The following ZNF883 variants were observed in gnomAD, a reference collection of about 807,000 sequenced individuals.
ZNF883 encodes zinc finger protein 883.
At chr9:112,992,335 T>G (rs1828310998), downstream of ZNF883, among the ~76,000 whole-genome samples, 1 of 152,224 alleles carries the variant, frequency 6.6e-6, no homozygotes, top group South Asian at 2.1e-4. Context: ...TCTCCTTTGC[T>G]TACGAAGCTT....
intron 2 of ZNF883, among the ~76,000 whole-genome samples, chr9:113,008,585 A>G (rs1274608480): frequency 6.6e-6 from 1 of 152,010 alleles, no homozygotes; most frequent in Non-Finnish European, 1.5e-5. Flanking sequence ...TAGATCATTT[A>G]TGATTTAAAA....
intron 2 of ZNF883, among the ~76,000 whole-genome samples, chr9:113,008,773 ATAAAT>A (rs2118628229): frequency 6.6e-6 from 1 of 152,158 alleles, no homozygotes; most frequent in East Asian, 1.9e-4. Context: ...GGAGTTGGCC[ATAAAT>A]TAGAGTCCAG....
downstream of ZNF883, among the ~76,000 whole-genome samples, chr9:112,996,049 G>C (rs1311554515): frequency 6.6e-6 from 1 of 151,712 alleles, no homozygotes; most frequent in African/African-American, 2.4e-5. Flanking sequence ...TTTTGTTCTA[G>C]TTTTATTGTC....
At chr9:113,010,446 T>C (rs970887184) in intron 2 of ZNF883, among the ~76,000 whole-genome samples, 1 of 152,198 alleles carries the variant, frequency 6.6e-6, no homozygotes, top group Non-Finnish European at 1.5e-5. Flanking sequence ...CGGGGTACAT[T>C]TACACATGTA....
intron 2 of ZNF883, among the ~76,000 whole-genome samples, chr9:113,003,580 C>CA (rs201780460): frequency 0.071 from 7,318 of 103,750 alleles, 235 homozygotes; most frequent in East Asian, 0.17. Flanking sequence ...AGTGGAGTCT[C>CA]AAAAAAAAAA....
intron 2 of ZNF883, among the ~76,000 whole-genome samples, chr9:113,006,515 T>C (rs1828478123): frequency 6.6e-6 from 1 of 152,186 alleles, no homozygotes; most frequent in African/African-American, 2.4e-5. Flanking sequence ...AGTTCTTTCC[T>C]GCACAAAGCC....
At chr9:113,006,065 C>T (rs923253212) in intron 2 of ZNF883, among the ~76,000 whole-genome samples, 11 of 148,196 alleles carry the variant, frequency 7.4e-5, no homozygotes, top group African/African-American at 2.3e-4. Context: ...AAGAAACCAG[C>T]CTATTTCTCT....
downstream of ZNF883, among the ~76,000 whole-genome samples, chr9:112,994,322 C>T (rs1388372743): frequency 6.6e-6 from 1 of 151,780 alleles, no homozygotes; most frequent in Non-Finnish European, 1.5e-5. Flanking sequence ...TTTCCTCACT[C>T]TCCATGCTTT....
chr9:112,994,396 C>T (rs1206106229), downstream of ZNF883, among the ~76,000 whole-genome samples: 4 of 152,120 alleles, frequency 2.6e-5, no homozygotes, highest in Admixed American at 2.0e-4. Flanking sequence ...CTGGATACCT[C>T]AGTCACCAGT....
exon 1 of ZNF883, chr9:112,998,234 G>A (rs573613410): frequency 6.3e-7 from 1 of 1,598,598 alleles, no homozygotes; most frequent in South Asian, 1.1e-5. Flanking sequence ...TGGGTTCGCG[G>A]TCATATAAAT....
At chr9:112,997,329 G>A (rs777194785) in exon 1 of ZNF883, 6 of 1,614,096 alleles carry the variant, frequency 3.7e-6, no homozygotes, top group Non-Finnish European at 4.2e-6. Flanking sequence ...GTCCTCTGAT[G>A]TCGAATTAGT....
chr9:113,009,889 T>C (rs1301607089), intron 2 of ZNF883, among the ~76,000 whole-genome samples: 1 of 152,204 alleles, frequency 6.6e-6, no homozygotes, highest in African/African-American at 2.4e-5. Context: ...GTCCTATGCC[T>C]TCCCTAGCCC....
upstream of ZNF883, chr9:112,998,595 GTGTGGTTTTC>G (rs2118611382): frequency 5.7e-6 from 1 of 175,756 alleles, no homozygotes; most frequent in East Asian, 1.5e-4. Context: ...CTTTTAAATG[GTGTGGTTTTC>G]TGAGTACTGT....
At chr9:112,995,702 A>G (rs1478231475), downstream of ZNF883, among the ~76,000 whole-genome samples, 4 of 115,318 alleles carry the variant, frequency 3.5e-5, no homozygotes, top group Non-Finnish European at 6.7e-5. Context: ...TACAGCATCT[A>G]TTAAGATAGG....
intron 2 of ZNF883, among the ~76,000 whole-genome samples, chr9:113,008,972 G>A (rs537837136): frequency 2.0e-4 from 31 of 152,196 alleles, no homozygotes; most frequent in African/African-American, 7.5e-4. Context: ...GAAGTTTGGG[G>A]TGGATGAAGT....
chr9:113,004,144 C>A (rs543118830), intron 2 of ZNF883, among the ~76,000 whole-genome samples: 3 of 152,164 alleles, frequency 2.0e-5, no homozygotes, highest in Non-Finnish European at 4.4e-5. Flanking sequence ...AACAGAGTTA[C>A]GCAGCTGAAA....
exon 1 of ZNF883, chr9:112,997,623 C>G (rs765243223): frequency 3.7e-6 from 6 of 1,613,766 alleles, no homozygotes; most frequent in South Asian, 1.1e-5. Context: ...TTCCCACATT[C>G]ATTACATTCA....
At chr9:113,008,659 C>A (rs998629042) in intron 2 of ZNF883, among the ~76,000 whole-genome samples, 7 of 151,906 alleles carry the variant, frequency 4.6e-5, no homozygotes, top group African/African-American at 1.7e-4. Context: ...GCTAAATAAG[C>A]AAAATATATA....
chr9:112,990,709 C>T (rs536125907), intron 1 of ZNF883, among the ~76,000 whole-genome samples: 100 of 152,096 alleles, frequency 6.6e-4, no homozygotes, highest in African/African-American at 2.0e-3. Flanking sequence ...TCTTTGTACC[C>T]GTGGTAGAAT....
Sources: allele counts gnomAD v4.1 joint callset (sites outside exome capture counted in the v4.1 genomes callset), GRCh38; gene constraint gnomAD v4.1.1; transcripts MANE v1.5; gene names NCBI Gene and HGNC (gene_info 2026-07-23, HGNC 2026-07-21).